The following GOLIM4 variants were observed in gnomAD, a reference collection of about 807,000 sequenced individuals.
GOLIM4 encodes 130 kDa golgi-localized phosphoprotein.
Under a neutral mutation model 107.4 loss-of-function variants are expected in GOLIM4, and 71 were observed. The ratio of observed to expected loss-of-function variants is 0.66; its 90% CI spans 0.55 to 0.81. GOLIM4 has a LOEUF of 0.81. Ranked by LOEUF, GOLIM4 falls within the 30% of genes least tolerant of loss-of-function variation. GOLIM4 has a pLI of 0.00. For missense variants in GOLIM4, 830 were observed against 826.1 expected (o/e 1.00, Z -0.06); for synonymous variants, 327 against 294.8 (o/e 1.11, Z -1.12).
chr3:168,069,072 A>T (rs1024718021), intron 1 of GOLIM4, among the ~76,000 whole-genome samples: 1 of 152,048 alleles, frequency 6.6e-6, no homozygotes, highest in African/African-American at 2.4e-5. Context: ...CCTGATGGTG[A>T]TCTGCTCACC....
intron 4 of GOLIM4, among the ~76,000 whole-genome samples, 153 bp from the exon 5 acceptor site, chr3:168,043,682 T>A (rs933303224): frequency 3.9e-5 from 6 of 152,236 alleles, no homozygotes; most frequent in African/African-American, 1.4e-4. Flanking sequence ...CTTTAATTTG[T>A]GCAGCTTCCC....
chr3:168,040,585 G>A (rs552135483), intron 7 of GOLIM4, among the ~76,000 whole-genome samples: 38 of 152,242 alleles, frequency 2.5e-4, no homozygotes, highest in South Asian at 1.5e-3. Context: ...TTTATGTACC[G>A]CACAACCAGT....
intron 1 of GOLIM4, among the ~76,000 whole-genome samples, chr3:168,063,847 A>G (rs1464843185): frequency 6.6e-6 from 1 of 152,098 alleles, no homozygotes; most frequent in Non-Finnish European, 1.5e-5. Flanking sequence ...ACAAACCTGC[A>G]CATCCTGCAC....
intron 1 of GOLIM4, among the ~76,000 whole-genome samples, chr3:168,092,727 G>T (rs1721975376): frequency 6.6e-6 from 1 of 152,140 alleles, no homozygotes; most frequent in East Asian, 1.9e-4. Flanking sequence ...TGAGTAAAAT[G>T]TCATTTGTCT....
intron 5 of GOLIM4, among the ~76,000 whole-genome samples, chr3:168,042,436 A>G (rs922344888): frequency 9.2e-5 from 14 of 152,120 alleles, no homozygotes; most frequent in Admixed American, 8.5e-4. Flanking sequence ...ATGTGCCACG[A>G]TGCCCGGCTA....
chr3:168,056,526 A>C (rs989897770), intron 1 of GOLIM4, among the ~76,000 whole-genome samples: 1 of 152,190 alleles, frequency 6.6e-6, no homozygotes, highest in Non-Finnish European at 1.5e-5. Flanking sequence ...CAGACACTCA[A>C]CACGAGCCCA....
chr3:168,049,717 G>A (rs1387215348), intron 1 of GOLIM4, among the ~76,000 whole-genome samples: 1 of 152,038 alleles, frequency 6.6e-6, no homozygotes, highest in African/African-American at 2.4e-5. Context: ...CCCCATCCCT[G>A]CAGCAATCCC....
chr3:168,076,443 C>T (rs1423780397), intron 1 of GOLIM4, among the ~76,000 whole-genome samples: 1 of 152,216 alleles, frequency 6.6e-6, no homozygotes, highest in Admixed American at 6.5e-5. Context: ...CCTGTAATCC[C>T]AGCACTTTGG....
chr3:168,045,653 T>C lies in GOLIM4; in HGVS notation c.313-772A>G, dbSNP rs148577792. Among the ~76,000 whole-genome samples the C allele has an allele frequency of 1.4e-3, 214 of 152,314 alleles. 1 individual carries two copies. The highest frequency in any genetic ancestry group is 5.1e-3 in the African/African-American group (212 of 41,562). ...TTCCCTCTCTATGCTATGTTGTTTATGTTTAGGTACCATATCCCTCACTTT... is the reference window on the plus strand; with the variant it reads ...TTCCCTCTCTATGCTATGTTGTTTACGTTTAGGTACCATATCCCTCACTTT... On this transcript the variant is annotated intron_variant, in intron 3 of 15. Coordinates refer to ENST00000470487, the MANE Select transcript of GOLIM4 (RefSeq NM_014498.5).
At chr3:168,064,107 G>A (rs1720419859) in intron 1 of GOLIM4, among the ~76,000 whole-genome samples, 1 of 152,130 alleles carries the variant, frequency 6.6e-6, no homozygotes, top group Non-Finnish European at 1.5e-5. Context: ...GTCCCAGGAG[G>A]CTTCCCCAGG....
chr3:168,088,691 T>G (rs138815012), intron 1 of GOLIM4, among the ~76,000 whole-genome samples: 31 of 152,338 alleles, frequency 2.0e-4, no homozygotes, highest in African/African-American at 7.0e-4. Context: ...AGGTGATATG[T>G]GTCCCCTTTT....
At chr3:168,050,631 G>A (rs962407501) in intron 1 of GOLIM4, among the ~76,000 whole-genome samples, 1 of 151,988 alleles carries the variant, frequency 6.6e-6, no homozygotes, top group African/African-American at 2.4e-5. Flanking sequence ...AGTTCTCACC[G>A]TCTGGGTAGA....
At chr3:168,054,023 G>C (rs1488362967) in intron 1 of GOLIM4, among the ~76,000 whole-genome samples, 1 of 152,142 alleles carries the variant, frequency 6.6e-6, no homozygotes, top group African/African-American at 2.4e-5. Context: ...TCCTCCTCTC[G>C]TTTCCTTCAA....
chr3:168,070,109 C>T (rs1294741346), intron 1 of GOLIM4, among the ~76,000 whole-genome samples: 1 of 152,028 alleles, frequency 6.6e-6, no homozygotes, highest in East Asian at 1.9e-4. Context: ...ACTATAAAAT[C>T]CAGGCCTGGT....
chr3:168,046,055 G>A (rs965442508), intron 3 of GOLIM4, among the ~76,000 whole-genome samples: 4 of 152,086 alleles, frequency 2.6e-5, no homozygotes, highest in African/African-American at 9.7e-5. Flanking sequence ...CTAATATTTT[G>A]TACTTTGAAG....
chr3:168,016,544 A>T lies in GOLIM4; in HGVS notation c.1861-5721T>A, dbSNP rs1334394304. ...TGACCCAGCCATCCCCTTACTGGGT[A>T]TATACCCAAAGGATTATAAATCATG... On this transcript the variant is annotated intron_variant, in intron 14 of 15. Transcript: ENST00000470487. Among the ~76,000 whole-genome samples the T allele has an allele frequency of 4.5e-5, 6 of 133,572 alleles. 2 individuals are homozygous for T. The highest frequency in any genetic ancestry group is 4.2e-4 in the Admixed American group (6 of 14,230). The allele number at this position is 133,572 out of a possible 152,430, so 87.6% of individuals were successfully genotyped here. A position where few individuals can be genotyped will look rare whatever the true frequency, so the allele number is the denominator to read the frequency against.
chr3:168,022,726 A>T (rs1365250699), intron 14 of GOLIM4, among the ~76,000 whole-genome samples: 1 of 152,248 alleles, frequency 6.6e-6, no homozygotes, highest in East Asian at 1.9e-4. Context: ...ACTTCCACTA[A>T]GAGCACATGG....
chr3:168,041,027 G>A, intron 6 of GOLIM4, 158 bp from the exon 7 acceptor site: 5 of 541,132 alleles, frequency 9.2e-6, no homozygotes, highest in Admixed American at 3.4e-5. Context: ...AGAACACTAC[G>A]CTTTATGTAG....
chr3:168,011,920 C>T (rs9870210), intron 14 of GOLIM4, among the ~76,000 whole-genome samples: 31,693 of 135,136 alleles, frequency 0.23, 8,264 homozygotes, highest in African/African-American at 0.7. Context: ...AGACCAAAAG[C>T]AGATAAAACC....
Sources: gnomAD v4.1 joint callset for allele counts (sites outside exome capture counted in the v4.1 genomes callset) on GRCh38, gnomAD v4.1.1 for gene constraint, MANE v1.5 for transcripts, NCBI Gene and HGNC (gene_info 2026-07-23, HGNC 2026-07-21) for gene names.